Variants in IFTAP observed in about 807,000 individuals in gnomAD.
IFTAP encodes the protein intraflagellar transport-associated protein.
Under a neutral mutation model 19.4 loss-of-function variants are expected in IFTAP, and 19 were observed. The ratio of observed to expected loss-of-function variants is 0.98; its 90% CI spans 0.68 to 1.44. The LOEUF (loss-of-function observed/expected upper bound fraction) is 1.44. Ranked by LOEUF, IFTAP falls within the 40% of genes most tolerant of loss-of-function variation. The pLI, the probability that IFTAP is intolerant of heterozygous loss-of-function variation, is 0.00. For synonymous variants in IFTAP, 85 were observed against 83.5 expected, an observed-to-expected ratio of 1.02 and a Z score of -0.10; for missense variants, 240 against 253.6, an observed-to-expected ratio of 0.95 and a Z score of 0.36.
chr11:36,650,875 G>T (rs532546222), intron 5 of IFTAP, among the ~76,000 whole-genome samples: 254 of 152,280 alleles, frequency 1.7e-3, no homozygotes, highest in Non-Finnish European at 2.6e-3. Flanking sequence ...TCCCTGCAAA[G>T]GACATGAACT....
intron 2 of IFTAP, among the ~76,000 whole-genome samples, chr11:36,628,698 C>T (rs1306288436): frequency 6.6e-6 from 1 of 151,240 alleles, no homozygotes; most frequent in African/African-American, 2.5e-5. Context: ...AAACATTACA[C>T]TCTGTTCATA....
intron 5 of IFTAP, among the ~76,000 whole-genome samples, chr11:36,657,070 A>G (rs1401887847): frequency 6.6e-6 from 1 of 152,132 alleles, no homozygotes; most frequent in Non-Finnish European, 1.5e-5. Context: ...CTTAATAGAC[A>G]TGTGATGAAA....
chr11:36,621,313 C>G (rs1852281832), intron 2 of IFTAP, among the ~76,000 whole-genome samples: 1 of 151,880 alleles, frequency 6.6e-6, no homozygotes. Flanking sequence ...CAGCTAAACC[C>G]AAAGGGATAC....
intron 1 of IFTAP, among the ~76,000 whole-genome samples, chr11:36,601,241 A>T (rs190043246): frequency 6.6e-6 from 1 of 152,240 alleles, no homozygotes; most frequent in Non-Finnish European, 1.5e-5. Flanking sequence ...TGAGGAAATA[A>T]GATAAATTGT....
intron 2 of IFTAP, 32 bp downstream of exon 2, chr11:36,610,271 T>C: frequency 6.5e-7 from 1 of 1,549,120 alleles, no homozygotes. Flanking sequence ...TCTGCAGCAA[T>C]GGAGATAAAT....
intron 2 of IFTAP, among the ~76,000 whole-genome samples, chr11:36,629,865 C>T (rs898746541): frequency 7.3e-5 from 11 of 151,364 alleles, no homozygotes; most frequent in Non-Finnish European, 1.3e-4. Flanking sequence ...AAAAAACTTT[C>T]GTCTCATCTG....
intron 2 of IFTAP, among the ~76,000 whole-genome samples, chr11:36,631,854 C>A (rs1351273025): frequency 1.3e-5 from 2 of 151,134 alleles, no homozygotes; most frequent in Non-Finnish European, 2.9e-5. Context: ...TCAGAAGAAG[C>A]AAGTTTCAGT....
intron 1 of IFTAP, among the ~76,000 whole-genome samples, chr11:36,606,412 G>A (rs541107539): frequency 6.6e-4 from 100 of 152,274 alleles, no homozygotes; most frequent in African/African-American, 2.3e-3. Context: ...GCAGTGAGCC[G>A]AGATCGCATC....
At chr11:36,611,266 C>G (rs902031361) in intron 2 of IFTAP, among the ~76,000 whole-genome samples, 1 of 152,088 alleles carries the variant, frequency 6.6e-6, no homozygotes, top group Non-Finnish European at 1.5e-5. Flanking sequence ...GGTCATTGAT[C>G]CACATTTTTG....
chr11:36,629,704 T>C (rs957902620), intron 2 of IFTAP, among the ~76,000 whole-genome samples: 1 of 151,452 alleles, frequency 6.6e-6, no homozygotes, highest in Non-Finnish European at 1.5e-5. Flanking sequence ...CTTTTCAAGG[T>C]GTGTAACCTT....
intron 4 of IFTAP, among the ~76,000 whole-genome samples, chr11:36,643,614 T>C (rs1853331145): frequency 1.3e-5 from 2 of 152,156 alleles, no homozygotes; most frequent in Non-Finnish European, 2.9e-5. Context: ...AAGGCTACAG[T>C]AACCAAAACA....
chr11:36,650,894 T>C (rs1322381839), intron 5 of IFTAP, among the ~76,000 whole-genome samples: 3 of 152,232 alleles, frequency 2.0e-5, no homozygotes, highest in Non-Finnish European at 4.4e-5. Context: ...CTCATCATTT[T>C]TTATGGCTCC....
chr11:36,606,894 C>T (rs1851713067), intron 1 of IFTAP, among the ~76,000 whole-genome samples: 1 of 152,194 alleles, frequency 6.6e-6, no homozygotes, highest in African/African-American at 2.4e-5. Context: ...GTTTACTTAT[C>T]ATTATTTACT....
intron 1 of IFTAP, among the ~76,000 whole-genome samples, chr11:36,604,626 G>C (rs1437799489): frequency 6.6e-6 from 1 of 152,032 alleles, no homozygotes; most frequent in Non-Finnish European, 1.5e-5. Context: ...CATAAATGGA[G>C]GCATGAATAT....
intron 4 of IFTAP, among the ~76,000 whole-genome samples, chr11:36,647,251 A>T (rs1451474892): frequency 6.6e-6 from 1 of 152,072 alleles, no homozygotes; most frequent in Non-Finnish European, 1.5e-5. Flanking sequence ...TTCTGGTCCT[A>T]TGAAAACAGG....
chr11:36,651,786 C>A lies in IFTAP; in HGVS notation c.498+3631C>A, dbSNP rs538534549. Among the ~76,000 whole-genome samples the A allele has an allele frequency of 8.2e-4, 125 of 152,238 alleles. 1 individual carries two copies. Among genetic ancestry groups the A allele is most frequent in the Non-Finnish European group, 1.1e-3 (74 of 68,012 alleles). On this transcript the variant is annotated intron_variant, in intron 5 of 5. Coordinates refer to ENST00000334307, the MANE Select transcript of IFTAP (RefSeq NM_138787.4). The stretch of plus-strand genomic sequence containing the variant: ...TTCTACATATGGCTAGCCAGTTTTC[C>A]CAGCACCATTTATTTAATAGGGAAT...
chr11:36,632,227 CAA>C (rs1243452652), intron 2 of IFTAP, among the ~76,000 whole-genome samples: 1 of 151,120 alleles, frequency 6.6e-6, no homozygotes, highest in Non-Finnish European at 1.5e-5. Flanking sequence ...GAGATGCTCA[CAA>C]AAGAGTGCCA....
intron 4 of IFTAP, among the ~76,000 whole-genome samples, chr11:36,644,033 A>G (rs1419309529): frequency 1.3e-5 from 2 of 152,230 alleles, no homozygotes; most frequent in Non-Finnish European, 2.9e-5. Context: ...CTGCACAGCA[A>G]AAGAAACTAC....
At chr11:36,644,189 G>A (rs932465372) in intron 4 of IFTAP, among the ~76,000 whole-genome samples, 1 of 152,030 alleles carries the variant, frequency 6.6e-6, no homozygotes, top group Non-Finnish European at 1.5e-5. Flanking sequence ...GTGAGCAAAG[G>A]ATATGAACAG....
Sources: allele counts gnomAD v4.1 joint callset (sites outside exome capture counted in the v4.1 genomes callset), GRCh38; gene constraint gnomAD v4.1.1; transcripts MANE v1.5; gene names NCBI Gene and HGNC (gene_info 2026-07-23, HGNC 2026-07-21).